The following MBTD1 variants were observed in gnomAD, a reference collection of about 807,000 sequenced individuals.
MBTD1 encodes the protein MBT domain-containing protein 1.
Under a neutral mutation model 87.8 loss-of-function variants are expected in MBTD1, and 24 were observed. The ratio of observed to expected loss-of-function variants is 0.27; its 90% CI spans 0.20 to 0.38. The LOEUF is 0.38. Ranked by LOEUF, MBTD1 falls within the 10% of genes least tolerant of loss-of-function variation. MBTD1 has a pLI of 1.00. For missense variants in MBTD1, 436 were observed against 760.2 expected (o/e 0.57, Z 5.02); for synonymous variants, 237 against 248.6 (o/e 0.95, Z 0.44).
chr17:51,220,299 G>C (rs1230424762), intron 4 of MBTD1, 31 bp downstream of exon 4: 1 of 1,528,714 alleles, frequency 6.5e-7, no homozygotes, highest in Non-Finnish European at 8.8e-7. Context: ...AGAAATAATG[G>C]ATATAAGTAA....
intron 2 of MBTD1, among the ~76,000 whole-genome samples, chr17:51,236,343 T>TCAAGCGATTCTCCTGCCTC (rs1359317494): frequency 3.3e-5 from 5 of 152,172 alleles, no homozygotes; most frequent in African/African-American, 1.2e-4. Flanking sequence ...CCTCCTGGGT[T>TCAAGCGATTCTCCTGCCTC]CAAGCGATTC....
In MBTD1 at chr17:51,195,217, T is replaced by C. The variant is rs1416366123; in HGVS notation, c.1369A>G (p.Arg457Gly). ...TGTTTATATTAGGATGAAGTACCTCTGGGTGGAGTAAGTTCAATCATGTTA... is the reference window on the plus strand; with the variant it reads ...TGTTTATATTAGGATGAAGTACCTCCGGGTGGAGTAAGTTCAATCATGTTA... ...EINMIELTPPRGYTKLPFKWF... is the reference protein window; with the variant it reads ...EINMIELTPPGGYTKLPFKWF... Residue 457 changes from arginine (R) to glycine (G), a missense_variant, in exon 13 of 17, where the codon AGA becomes GGA. Around this residue, in one of 5 missense-constraint regions of MBTD1, gnomAD observed 80 missense variants for 182.2 expected, o/e 0.44. Coordinates refer to ENST00000586178, the MANE Select transcript of MBTD1 (RefSeq NM_017643.3). The C allele has an allele frequency of 6.2e-7, 1 of 1,610,932 alleles. No homozygotes were observed. Among genetic ancestry groups the C allele is most frequent in the Non-Finnish European group, 8.5e-7 (1 of 1,179,144 alleles).
At chr17:51,260,632 A>C (rs117093534), upstream of MBTD1, 55 of 1,612,482 alleles carry the variant, frequency 3.4e-5, no homozygotes, top group Middle Eastern at 8.3e-4. Flanking sequence ...GGAGAACCGG[A>C]GCGAAGCCGA....
chr17:51,222,704 C>G lies in MBTD1; in HGVS notation c.155-2241G>C, dbSNP rs569595896. ...TGAGCCACCAACGCCCAGCGACACC[C>G]AGGTAGGTTTTAACTGGAGGATGAC... is the stretch of plus-strand genomic sequence containing the variant. On this transcript the variant is annotated intron_variant, in intron 3 of 16. Coordinates refer to ENST00000586178, the MANE Select transcript of MBTD1 (RefSeq NM_017643.3). Among the ~76,000 whole-genome samples the G allele has an allele frequency of 1.3e-4, 20 of 152,150 alleles. No homozygotes were observed. The South Asian group carries it at 3.7e-3, about 28-fold the overall frequency.
intron 2 of MBTD1, among the ~76,000 whole-genome samples, chr17:51,244,488 A>G (rs2054321166): frequency 6.6e-6 from 1 of 152,004 alleles, no homozygotes; most frequent in Non-Finnish European, 1.5e-5. Context: ...GCTCACTGCA[A>G]CCTCTGCCTC....
At chr17:51,185,809 G>C (rs548668691) in intron 16 of MBTD1, 30 of 152,078 alleles carry the variant, frequency 2.0e-4, no homozygotes, top group African/African-American at 6.8e-4. Flanking sequence ...TTTGAAGCTC[G>C]GAAGTATTTT....
intron 2 of MBTD1, among the ~76,000 whole-genome samples, chr17:51,240,720 TG>T (rs2054115574): frequency 6.6e-6 from 1 of 152,208 alleles, no homozygotes; most frequent in South Asian, 2.1e-4. Flanking sequence ...CTATACTCTT[TG>T]GAACAAAGTG....
At chr17:51,217,664 A>C (rs1429654064) in intron 5 of MBTD1, among the ~76,000 whole-genome samples, 1 of 152,198 alleles carries the variant, frequency 6.6e-6, no homozygotes, top group East Asian at 1.9e-4. Context: ...GCTGGAGTGC[A>C]GTGGCATGAT....
At chr17:51,212,517 TA>T (rs1271180476) in intron 6 of MBTD1, among the ~76,000 whole-genome samples, 1 of 151,330 alleles carries the variant, frequency 6.6e-6, no homozygotes, top group Non-Finnish European at 1.5e-5. Flanking sequence ...CTGATCTTAG[TA>T]AAGACAGCAT....
At chr17:51,236,994 AC>A (rs928776418) in intron 2 of MBTD1, among the ~76,000 whole-genome samples, 3 of 151,980 alleles carry the variant, frequency 2.0e-5, no homozygotes, top group Admixed American at 2.0e-4. Flanking sequence ...AAAAAATATA[AC>A]CCATAAAGGA....
intron 12 of MBTD1, among the ~76,000 whole-genome samples, chr17:51,198,130 ACTC>A (rs1270910822): frequency 2.0e-5 from 3 of 151,328 alleles, no homozygotes; most frequent in African/African-American, 7.3e-5. Context: ...AACTCCTCTT[ACTC>A]CTTTAGAGGT....
chr17:51,190,750 A>AAAAAAAAT (rs1555677185), intron 16 of MBTD1, among the ~76,000 whole-genome samples: 17 of 39,700 alleles, frequency 4.3e-4, no homozygotes, highest in African/African-American at 7.6e-4. Flanking sequence ...AAAAAAAAAA[A>AAAAAAAAT]ATATATATAT....
At chr17:51,219,192 C>T in intron 4 of MBTD1, 148 bp from the exon 5 acceptor site, 1 of 568,672 alleles carries the variant, frequency 1.8e-6, no homozygotes, top group East Asian at 2.8e-5. Context: ...AGAATTTTAA[C>T]ATGAGAATTT....
chr17:51,212,540 G>T (rs1236639269), intron 6 of MBTD1, among the ~76,000 whole-genome samples: 13 of 150,302 alleles, frequency 8.6e-5, no homozygotes, highest in Admixed American at 8.6e-4. Flanking sequence ...AATAAGACAT[G>T]GGATTATTAG....
Position 51,225,931 on chromosome 17 carries a change from A to G in MBTD1, c.-48-722T>C, listed in dbSNP as rs1447156119. 2.0e-5 allele frequency among the ~76,000 whole-genome samples: 3 copies of G among 151,476 alleles called. No individual in the cohort carries two copies. In the East Asian group the frequency reaches 6.0e-4, roughly 30 times the overall value. ...GTAGCTGTGATTACAGGTGCATGCCACCACACCCAGCTAATTTTCGTATTT... is the reference window on the plus strand; with the variant it reads ...GTAGCTGTGATTACAGGTGCATGCCGCCACACCCAGCTAATTTTCGTATTT... On this transcript the variant is annotated intron_variant, in intron 2 of 16. Transcript: ENST00000586178.
At chr17:51,205,900 A>T (rs766564174) in intron 7 of MBTD1, among the ~76,000 whole-genome samples, 3 of 152,206 alleles carry the variant, frequency 2.0e-5, no homozygotes, top group Non-Finnish European at 4.4e-5. Flanking sequence ...CCGGAAATAA[A>T]ACTAGAGAGA....
chr17:51,260,838 C>A (rs746546839), upstream of MBTD1: 2 of 1,598,826 alleles, frequency 1.3e-6, no homozygotes, highest in South Asian at 1.1e-5. Flanking sequence ...GAGGACAAAC[C>A]GGCCGTGGAG....
At chr17:51,238,409 G>A (rs894523019) in intron 2 of MBTD1, among the ~76,000 whole-genome samples, 1 of 152,130 alleles carries the variant, frequency 6.6e-6, no homozygotes, top group Non-Finnish European at 1.5e-5. Context: ...AAGTAACCAA[G>A]AAAGAGGAAG....
At chr17:51,214,124 A>G (rs966369236) in intron 6 of MBTD1, among the ~76,000 whole-genome samples, 4 of 118,682 alleles carry the variant, frequency 3.4e-5, no homozygotes, top group Admixed American at 1.7e-4. Context: ...CATCATATAT[A>G]TATACACATA....
Sources: allele counts gnomAD v4.1 joint callset (sites outside exome capture counted in the v4.1 genomes callset), GRCh38; gene constraint gnomAD v4.1.1; regional missense constraint gnomAD v4.1.1; transcripts MANE v1.5; gene names NCBI Gene and HGNC (gene_info 2026-07-23, HGNC 2026-07-21).